Variants in ARID1B observed in about 807,000 individuals in gnomAD.
ARID1B encodes AT-rich interactive domain-containing protein 1B.
A neutral mutation model predicts 212.3 loss-of-function variants in ARID1B; 30 were observed. That is an observed-to-expected ratio of 0.14 (90% CI 0.11 to 0.19). ARID1B has a LOEUF of 0.19. Ranked by LOEUF, ARID1B falls within the 10% of genes least tolerant of loss-of-function variation. ARID1B has a pLI of 1.00. For missense variants in ARID1B, 2,891 were observed against 3,204.0 expected (o/e 0.90, Z 2.36); for synonymous variants, 1,402 against 1,301.7 (o/e 1.08, Z -1.66).
intron 11 of ARID1B, 91 bp downstream of exon 11, chr6:157,175,096 GTTTA>G (rs908075128): frequency 2.2e-5 from 24 of 1,078,090 alleles, no homozygotes; most frequent in Middle Eastern, 7.0e-4. Context: ...ATGCTTGCTT[GTTTA>G]TTTGTTTTGT....
chr6:156,946,236 G>GCAGTGCACGC (rs1319542094), intron 4 of ARID1B, among the ~76,000 whole-genome samples: 1 of 151,672 alleles, frequency 6.6e-6, no homozygotes, highest in Admixed American at 6.6e-5. Flanking sequence ...GCCGGGCATG[G>GCAGTGCACGC]CAGTGCACGC....
intron 3 of ARID1B, among the ~76,000 whole-genome samples, chr6:156,910,124 G>A (rs549495799): frequency 1.5e-4 from 23 of 152,306 alleles, no homozygotes; most frequent in South Asian, 1.5e-3. Context: ...CAGATTGAGC[G>A]TAATGTTTGG....
intron 5 of ARID1B, among the ~76,000 whole-genome samples, chr6:157,103,035 TG>T (rs924926479): frequency 2.6e-5 from 4 of 152,338 alleles, no homozygotes; most frequent in African/African-American, 9.6e-5. Flanking sequence ...ATATTGTCTG[TG>T]GCTACTTTTG....
intron 4 of ARID1B, among the ~76,000 whole-genome samples, chr6:157,002,280 C>G (rs1778956021): frequency 6.6e-6 from 1 of 152,206 alleles, no homozygotes; most frequent in Admixed American, 6.5e-5. Context: ...TTGCACATCT[C>G]TATACCTCCA....
At chr6:156,943,221 T>G (rs1387229101) in intron 4 of ARID1B, 1 of 152,194 alleles carries the variant, frequency 6.6e-6, no homozygotes, top group East Asian at 1.9e-4. Flanking sequence ...CAAGAAATTT[T>G]AGCGGAAAAT....
intron 6 of ARID1B, among the ~76,000 whole-genome samples, chr6:157,129,258 T>C (rs1186820792): frequency 6.6e-6 from 1 of 152,246 alleles, no homozygotes; most frequent in African/African-American, 2.4e-5. Context: ...CACAGCAAGC[T>C]GTATTCAATA....
At chr6:156,807,649 A>G (rs978527919) in intron 1 of ARID1B, among the ~76,000 whole-genome samples, 4 of 139,340 alleles carry the variant, frequency 2.9e-5, no homozygotes, top group African/African-American at 1.0e-4. Context: ...GAACATAGAC[A>G]ATTATATAAA....
chr6:157,038,966 C>T (rs1562568153), intron 4 of ARID1B, among the ~76,000 whole-genome samples: 1 of 151,780 alleles, frequency 6.6e-6, no homozygotes, highest in African/African-American at 2.4e-5. Context: ...TGCAGCGGCG[C>T]GATCATGGCT....
chr6:156,809,052 C>T (rs1781381315), intron 1 of ARID1B, among the ~76,000 whole-genome samples: 1 of 152,124 alleles, frequency 6.6e-6, no homozygotes, highest in Admixed American at 6.5e-5. Flanking sequence ...TGCTATTAAT[C>T]TTTTAAAAGT....
rs1284292793 is a variant in ARID1B, at chr6:156,955,546, A to G, written c.2247+19970A>G. ...AAAGGCTCTGTAATAATTGAAAGTT[A>G]TACATAATTTGCTATTGACATAATT... On this transcript the variant is annotated intron_variant, in intron 4 of 19. Transcript: ENST00000636930. The surrounding 1 kb of genome is among the most constrained non-coding windows in gnomAD (Gnocchi z 4.2). 6.6e-6 allele frequency among the ~76,000 whole-genome samples: 1 copy of G among 152,212 alleles called. No homozygotes were observed. The highest frequency in any genetic ancestry group is 1.5e-5 in the Non-Finnish European group (1 of 68,044).
At chr6:156,842,169 A>G (rs1163470558) in intron 2 of ARID1B, among the ~76,000 whole-genome samples, 1 of 152,220 alleles carries the variant, frequency 6.6e-6, no homozygotes, top group Non-Finnish European at 1.5e-5. Flanking sequence ...CAGTTCAATA[A>G]TGTTTACTGC....
chr6:157,067,659 C>T (rs943170392), intron 4 of ARID1B, among the ~76,000 whole-genome samples: 1 of 152,176 alleles, frequency 6.6e-6, no homozygotes, highest in African/African-American at 2.4e-5. Context: ...ACTTTGTCTG[C>T]TTTCCTTGCA....
intron 4 of ARID1B, chr6:156,942,793 G>C (rs1312519693): frequency 1.3e-5 from 2 of 152,362 alleles, no homozygotes; most frequent in Non-Finnish European, 2.9e-5. Context: ...GCTGCCTCCA[G>C]CTCCTGCAGG....
chr6:156,895,749 C>A (rs1166195536), intron 2 of ARID1B, among the ~76,000 whole-genome samples: 1 of 152,166 alleles, frequency 6.6e-6, no homozygotes, highest in Non-Finnish European at 1.5e-5. Context: ...CACACACACA[C>A]ACACACCCAC....
intron 4 of ARID1B, among the ~76,000 whole-genome samples, chr6:156,998,469 C>T (rs1778726098): frequency 2.0e-5 from 3 of 152,256 alleles, no homozygotes; most frequent in South Asian, 2.1e-4. Context: ...GTGATCCACC[C>T]GCCTCGGCCT....
At chr6:157,121,628 G>GTTT (rs1562635036) in intron 6 of ARID1B, among the ~76,000 whole-genome samples, 16 of 106,732 alleles carry the variant, frequency 1.5e-4, no homozygotes, top group South Asian at 5.5e-4. Context: ...ATCATATATA[G>GTTT]CTTTTTTTTT....
chr6:157,083,533 C>T (rs1583277308), intron 4 of ARID1B, among the ~76,000 whole-genome samples: 1 of 152,276 alleles, frequency 6.6e-6, no homozygotes, highest in Non-Finnish European at 1.5e-5. Flanking sequence ...GTTTCTTCTT[C>T]CTCCTCTCTC....
rs796129452 is a variant in ARID1B at position 157,044,990 on chromosome 6, T to C, written c.2248-39672T>C. On this transcript the variant is annotated intron_variant, in intron 4 of 19. Transcript: ENST00000636930. Reference sequence around the variant, plus strand: ...CCATTTATATAATATATAAATGTTCTAATAACAATTAGAACAGCCATTTTA... The same window carrying C: ...CCATTTATATAATATATAAATGTTCCAATAACAATTAGAACAGCCATTTTA... 1.2e-4 allele frequency among the ~76,000 whole-genome samples: 19 copies of C among 152,300 alleles called. 2 individuals carry two copies. The highest frequency in any genetic ancestry group is 4.6e-4 in the African/African-American group (19 of 41,574).
At position 156,777,422 on chromosome 6, in the gene ARID1B, C is replaced by G. The variant is rs757571771; in HGVS notation, c.-259C>G. On this transcript the variant is annotated 5_prime_UTR_variant, in exon 1 of 20. Coordinates refer to ENST00000636930, the MANE Select transcript of ARID1B (RefSeq NM_001374828.1). Reference sequence around the variant, plus strand: ...AGGCTCAGCTAGTCGTGTATTTACCCATATCCGGGCTAGAGAGGAAAAGAG... The same window carrying G: ...AGGCTCAGCTAGTCGTGTATTTACCGATATCCGGGCTAGAGAGGAAAAGAG... The G allele has an allele frequency of 2.0e-5, 3 of 151,028 alleles. No individual in the cohort carries two copies. Among genetic ancestry groups the G allele is most frequent in the Non-Finnish European group, 4.4e-5 (3 of 67,766 alleles). 9.4% of individuals were successfully genotyped at this position (151,028 alleles called of 1,614,324 possible).
Sources: allele counts gnomAD v4.1 joint callset (sites outside exome capture counted in the v4.1 genomes callset), GRCh38; gene constraint gnomAD v4.1.1; non-coding constraint Gnocchi (gnomAD v3.1); transcripts MANE v1.5; gene names NCBI Gene and HGNC (gene_info 2026-07-23, HGNC 2026-07-21).